The following MACROD2 variants were observed in gnomAD, a reference collection of about 807,000 sequenced individuals.
MACROD2 encodes the protein ADP-ribose glycohydrolase MACROD2.
A neutral mutation model predicts 70.4 loss-of-function variants in MACROD2; 36 were observed. The observed-to-expected ratio is 0.51, with a 90% confidence interval of 0.39 to 0.68. The LOEUF (loss-of-function observed/expected upper bound fraction) is 0.68, where lower values mean the gene tolerates loss of function less well. MACROD2 is among the 30% of genes least tolerant of loss of function. MACROD2 has a pLI of 0.00. For missense variants in MACROD2, 496 were observed against 538.4 expected (o/e 0.92, Z 0.78); for synonymous variants, 172 against 178.8 (o/e 0.96, Z 0.30).
At chr20:14,522,203 T>C (rs1213670973) in intron 4 of MACROD2, among the ~76,000 whole-genome samples, 1 of 152,218 alleles carries the variant, frequency 6.6e-6, no homozygotes, top group Non-Finnish European at 1.5e-5. Context: ...AAAGCTATTC[T>C]ATTTAAAATA....
At chr20:14,763,861 A>G (rs1159267035) in intron 5 of MACROD2, among the ~76,000 whole-genome samples, 1 of 151,992 alleles carries the variant, frequency 6.6e-6, no homozygotes, top group Non-Finnish European at 1.5e-5. Context: ...TAACTTAGAG[A>G]TATAGATTTG....
At chr20:15,262,342 C>T (rs553533277) in intron 6 of MACROD2, among the ~76,000 whole-genome samples, 1 of 151,952 alleles carries the variant, frequency 6.6e-6, no homozygotes, top group Non-Finnish European at 1.5e-5. Context: ...ACACAATGAC[C>T]TTCAGTTCCA....
chr20:14,416,021 C>T (rs536341554), intron 3 of MACROD2, among the ~76,000 whole-genome samples: 21 of 150,930 alleles, frequency 1.4e-4, no homozygotes, highest in Middle Eastern at 3.4e-3. Context: ...TGCAGTGGCG[C>T]GATCTCAGCT....
intron 4 of MACROD2, among the ~76,000 whole-genome samples, chr20:14,603,400 TTTCA>T (rs1310912314): frequency 6.6e-6 from 1 of 152,196 alleles, no homozygotes; most frequent in Non-Finnish European, 1.5e-5. Flanking sequence ...AGAGATTATT[TTTCA>T]TTCTTAATAT....
Position 14,461,612 on chromosome 20 carries a change from C to T in MACROD2, c.272-31867C>T, listed in dbSNP as rs146442807. Reference sequence around the variant, plus strand: ...TGTTGTTGTGCTGCACCCATTAACTCGTCATTTAGCATTAGGTATATCTCC... The same window carrying T: ...TGTTGTTGTGCTGCACCCATTAACTTGTCATTTAGCATTAGGTATATCTCC... On this transcript the variant is annotated intron_variant, in intron 3 of 17. Transcript: ENST00000684519. Among the ~76,000 whole-genome samples, 175 of 151,900 alleles carry T rather than the reference C, an allele frequency of 1.2e-3. 1 individual carries two copies. The highest frequency in any genetic ancestry group is 4.1e-3 in the African/African-American group (169 of 41,358).
chr20:15,777,356 G>A (rs922267925), intron 8 of MACROD2, among the ~76,000 whole-genome samples: 7 of 151,568 alleles, frequency 4.6e-5, no homozygotes, highest in East Asian at 3.9e-4. Flanking sequence ...AGAAAGTGCC[G>A]GTTTGGTTAA....
At chr20:14,142,545 G>A (rs1171878013) in intron 3 of MACROD2, among the ~76,000 whole-genome samples, 1 of 152,182 alleles carries the variant, frequency 6.6e-6, no homozygotes, top group Non-Finnish European at 1.5e-5. Flanking sequence ...TGCCCGAGCT[G>A]TATGTTGTCA....
chr20:16,028,523 T>C (rs1370662663), intron 15 of MACROD2, among the ~76,000 whole-genome samples: 4 of 152,124 alleles, frequency 2.6e-5, no homozygotes, highest in African/African-American at 4.8e-5. Context: ...CATAAAAGTA[T>C]TTCTATATAT....
chr20:15,546,156 A>G (rs1228717600), intron 8 of MACROD2, among the ~76,000 whole-genome samples: 1 of 152,114 alleles, frequency 6.6e-6, no homozygotes, highest in Non-Finnish European at 1.5e-5. Context: ...GAGGCAGGAG[A>G]ATTGCTTGAA....
chr20:15,919,709 A>C (rs989097398), intron 10 of MACROD2, among the ~76,000 whole-genome samples: 2 of 152,154 alleles, frequency 1.3e-5, no homozygotes, highest in African/African-American at 4.8e-5. Flanking sequence ...GACTCCAGCC[A>C]GGATGACAGT....
intron 5 of MACROD2, among the ~76,000 whole-genome samples, chr20:15,153,740 T>A (rs2076287707): frequency 6.6e-6 from 1 of 152,044 alleles, no homozygotes; most frequent in South Asian, 2.1e-4. Flanking sequence ...AATTTTAGGG[T>A]AGTGTCTCTA....
intron 6 of MACROD2, among the ~76,000 whole-genome samples, chr20:15,341,013 A>G: frequency 6.6e-6 from 1 of 152,276 alleles, no homozygotes; most frequent in Non-Finnish European, 1.5e-5. Context: ...TTTTAAGTTT[A>G]TAGTATTTGG....
chr20:14,305,993 T>G (rs2082517778), intron 3 of MACROD2, among the ~76,000 whole-genome samples: 1 of 103,562 alleles, frequency 9.7e-6, no homozygotes, highest in South Asian at 2.8e-4. Flanking sequence ...ACATTCTCTC[T>G]TCTGTCTCTC....
intron 5 of MACROD2, among the ~76,000 whole-genome samples, chr20:15,090,991 G>C (rs1169085870): frequency 6.6e-6 from 1 of 151,870 alleles, no homozygotes; most frequent in Non-Finnish European, 1.5e-5. Context: ...AAGAAATAGA[G>C]AAAATACAAG....
chr20:15,832,010 T>C (rs756510556), intron 8 of MACROD2, among the ~76,000 whole-genome samples: 2 of 152,184 alleles, frequency 1.3e-5, no homozygotes, highest in Non-Finnish European at 2.9e-5. Flanking sequence ...AGCCTTACAC[T>C]GAGACTAGAG....
intron 8 of MACROD2, among the ~76,000 whole-genome samples, chr20:15,840,662 G>A (rs892507331): frequency 2.0e-5 from 3 of 152,066 alleles, no homozygotes; most frequent in East Asian, 3.9e-4. Context: ...TATTGACTGT[G>A]AAATAAAAGA....
intron 8 of MACROD2, among the ~76,000 whole-genome samples, chr20:15,724,642 A>T (rs2146940005): frequency 6.6e-6 from 1 of 152,132 alleles, no homozygotes; most frequent in South Asian, 2.1e-4. Context: ...CCATTGATCT[A>T]TTTGTATATT....
chr20:15,770,685 TCACGTGTGCTGGAGCAGAC>T (rs543647427), intron 8 of MACROD2, among the ~76,000 whole-genome samples: 1 of 152,190 alleles, frequency 6.6e-6, no homozygotes, highest in East Asian at 1.9e-4. Context: ...TTTTTTTAAT[TCACGTGTGCTGGAGCAGAC>T]CTGCCTTAGG....
chr20:14,079,633 A>G (rs2053963611), intron 2 of MACROD2, among the ~76,000 whole-genome samples: 1 of 152,204 alleles, frequency 6.6e-6, no homozygotes, highest in Admixed American at 6.5e-5. Flanking sequence ...AATTATTTGG[A>G]TAAGTTCAAT....
Sources: gnomAD v4.1 joint callset for allele counts (sites outside exome capture counted in the v4.1 genomes callset) on GRCh38, gnomAD v4.1.1 for gene constraint, MANE v1.5 for transcripts, NCBI Gene and HGNC (gene_info 2026-07-23, HGNC 2026-07-21) for gene names.